The following SMOC1 variants were observed in gnomAD, a reference collection of about 807,000 sequenced individuals.
SMOC1 encodes the protein SPARC related modular calcium binding 1, also known as SPARC-related modular calcium-binding protein 1.
Under a neutral mutation model 56.3 loss-of-function variants are expected in SMOC1, and 22 were observed. That is an observed-to-expected ratio of 0.39 (90% CI 0.28 to 0.56). The LOEUF (loss-of-function observed/expected upper bound fraction) is 0.56, where lower values mean the gene tolerates loss of function less well. SMOC1 is among the 20% of genes least tolerant of loss of function. SMOC1 has a pLI of 0.61. For missense variants in SMOC1, 509 were observed against 565.4 expected (o/e 0.90, Z 1.01); for synonymous variants, 193 against 215.0 (o/e 0.90, Z 0.89).
intron 3 of SMOC1, among the ~76,000 whole-genome samples, chr14:69,968,358 C>A (rs1883644628): frequency 6.6e-6 from 1 of 152,166 alleles, no homozygotes; most frequent in South Asian, 2.1e-4. Context: ...CATAAGCCCT[C>A]CAGATGACTC....
chr14:69,990,853 G>A (rs1884541505), intron 5 of SMOC1, among the ~76,000 whole-genome samples: 1 of 152,140 alleles, frequency 6.6e-6, no homozygotes, highest in African/African-American at 2.4e-5. Flanking sequence ...TTGGGTCTTG[G>A]TGTCAGTACA....
intron 1 of SMOC1, among the ~76,000 whole-genome samples, chr14:69,920,735 G>T (rs954031626): frequency 6.6e-6 from 1 of 152,188 alleles, no homozygotes; most frequent in Admixed American, 6.5e-5. Flanking sequence ...CTACAAAGGA[G>T]ATCTGCTTTG....
At chr14:69,949,613 A>G (rs998099173) in intron 1 of SMOC1, among the ~76,000 whole-genome samples, 1 of 152,220 alleles carries the variant, frequency 6.6e-6, no homozygotes, top group African/African-American at 2.4e-5. Context: ...CTCCTGGAAG[A>G]GACCGCCTGA....
At chr14:69,937,758 A>G (rs1355861194) in intron 1 of SMOC1, among the ~76,000 whole-genome samples, 1 of 152,156 alleles carries the variant, frequency 6.6e-6, no homozygotes, top group Non-Finnish European at 1.5e-5. Context: ...GTTTGAGGGT[A>G]TGCACACATG....
chr14:69,950,804 G>A (rs1372800987), intron 1 of SMOC1, among the ~76,000 whole-genome samples: 1 of 152,202 alleles, frequency 6.6e-6, no homozygotes, highest in Non-Finnish European at 1.5e-5. Context: ...GGGGTTCATG[G>A]TTAAGTAACT....
At chr14:69,980,859 G>C (rs529987176) in intron 5 of SMOC1, among the ~76,000 whole-genome samples, 42 of 152,260 alleles carry the variant, frequency 2.8e-4, no homozygotes, top group Admixed American at 4.6e-4. Context: ...AGGTGTGAGT[G>C]GTGGGGGATG....
At chr14:69,951,812 C>T (rs1025277930) in intron 1 of SMOC1, among the ~76,000 whole-genome samples, 3 of 152,234 alleles carry the variant, frequency 2.0e-5, no homozygotes, top group Non-Finnish European at 4.4e-5. Context: ...GGGCAAGTTA[C>T]GTCTCTGGGC....
At chr14:70,020,375 T>C (rs1290834070) in intron 10 of SMOC1, among the ~76,000 whole-genome samples, 1 of 152,190 alleles carries the variant, frequency 6.6e-6, no homozygotes, top group Non-Finnish European at 1.5e-5. Flanking sequence ...ATTCCAAAGA[T>C]GACCCTAGGG....
At chr14:69,987,765 T>C (rs1220096480) in intron 5 of SMOC1, among the ~76,000 whole-genome samples, 1 of 152,196 alleles carries the variant, frequency 6.6e-6, no homozygotes, top group Admixed American at 6.5e-5. Context: ...AGAGGAGGCT[T>C]TGAACGGTGT....
At chr14:69,883,679 T>C (rs547087228) in intron 1 of SMOC1, among the ~76,000 whole-genome samples, 3 of 152,192 alleles carry the variant, frequency 2.0e-5, no homozygotes, top group Non-Finnish European at 4.4e-5. Context: ...CTAGTTCTGC[T>C]TTAAATTTTT....
chr14:69,900,129 G>T (rs1198883544), intron 1 of SMOC1, among the ~76,000 whole-genome samples: 1 of 152,196 alleles, frequency 6.6e-6, no homozygotes, highest in Non-Finnish European at 1.5e-5. Flanking sequence ...CTGCTCATGT[G>T]GCTGTGCTTT....
rs548551048 is a variant in SMOC1, at chr14:69,984,601, G to A, written c.526+6636G>A. ...CTCACACCTGTAATCCCATCACTTC[G>A]GGAGGCTAAGGTGGATGAACCACTT... On this transcript the variant is annotated intron_variant, in intron 5 of 11. Transcript: ENST00000361956. Among the ~76,000 whole-genome samples, 14 of 151,878 alleles carry A rather than the reference G, an allele frequency of 9.2e-5. No homozygotes were observed. The East Asian group carries it at 1.7e-3, about 19-fold the overall frequency.
intron 5 of SMOC1, among the ~76,000 whole-genome samples, chr14:69,988,102 G>T (rs1181736590): frequency 6.6e-6 from 1 of 152,176 alleles, no homozygotes; most frequent in African/African-American, 2.4e-5. Context: ...CTGGTGGTGA[G>T]AATAGATGAG....
At chr14:69,909,616 A>G (rs1884502771) in intron 1 of SMOC1, among the ~76,000 whole-genome samples, 2 of 152,180 alleles carry the variant, frequency 1.3e-5, no homozygotes, top group South Asian at 4.2e-4. Flanking sequence ...TTAAATGAAT[A>G]CTCAGTTTCT....
chr14:69,994,322 T>G (rs1884684440), intron 6 of SMOC1, 78 bp from the exon 7 acceptor site: 1 of 1,129,666 alleles, frequency 8.9e-7, no homozygotes, highest in Admixed American at 1.7e-5. Flanking sequence ...AAATGACTAT[T>G]AAGAAGTCTG....
At chr14:69,957,308 G>A (rs1475712127) in intron 3 of SMOC1, among the ~76,000 whole-genome samples, 1 of 152,194 alleles carries the variant, frequency 6.6e-6, no homozygotes, top group Non-Finnish European at 1.5e-5. Flanking sequence ...CAGGTGCTAG[G>A]CCCTGTGTTT....
In SMOC1 at chr14:70,023,218, C is replaced by T. The variant is rs144398452; in HGVS notation, c.1062C>T (p.Asp354=). Residue 354 remains aspartate, a synonymous_variant, in exon 11 of 12, where the codon GAC becomes GAT. Coordinates refer to ENST00000361956, the MANE Select transcript of SMOC1 (RefSeq NM_001034852.3). ...CATGGCCCAGGTTCTCAGAGCCAGA[C>T]CCCAGCCACACCCTGGAGGAGCGGG... is the stretch of plus-strand genomic sequence containing the variant. The part of the protein sequence containing the change: ...PTGGGRFSEP[D]PSHTLEERVV... The T allele has an allele frequency of 2.6e-3, 4,145 of 1,614,100 alleles. 11 individuals carry two copies. Among genetic ancestry groups the T allele is most frequent in the Middle Eastern group, 0.013 (77 of 6,060 alleles).
rs1883584109 is a variant in SMOC1, at chr14:69,879,797, TGCGCCCACCTGCGGAGGGA to T, written c.99+22_99+40del. 2.6e-6 allele frequency: 4 copies of T among 1,568,016 alleles called. No individual in the cohort carries two copies. Among genetic ancestry groups the T allele is most frequent in the Non-Finnish European group, 2.6e-6 (3 of 1,163,474 alleles). ...CCCAGGGTAAGTGCGCCCCCAGCTT[TGCGCCCACCTGCGGAGGGA>T]GGGGAGGTTGCTTCCCCCCTCATCC... is the stretch of plus-strand genomic sequence containing the variant. On this transcript the variant is annotated intron_variant, in intron 1 of 11. Transcript: ENST00000361956.
chr14:70,024,099 G>T lies in SMOC1; in HGVS notation c.1291+652G>T, dbSNP rs78535594. 3.2e-3 allele frequency among the ~76,000 whole-genome samples: 480 copies of T among 152,114 alleles called. 2 individuals are homozygous for T. Among genetic ancestry groups the T allele is most frequent in the African/African-American group, 0.011 (436 of 41,516 alleles). Reference sequence around the variant, plus strand: ...CAGAGCTCGGTCACTAGGAAGGCTGGGTTTTATGGGCCAGCCCTGGAAATG... The same window carrying T: ...CAGAGCTCGGTCACTAGGAAGGCTGTGTTTTATGGGCCAGCCCTGGAAATG... On this transcript the variant is annotated intron_variant, in intron 11 of 11. Transcript: ENST00000361956.
Sources: gnomAD v4.1 joint callset for allele counts (sites outside exome capture counted in the v4.1 genomes callset) on GRCh38, gnomAD v4.1.1 for gene constraint, MANE v1.5 for transcripts, NCBI Gene and HGNC (gene_info 2026-07-23, HGNC 2026-07-21) for gene names.